DDC: variants seen among roughly 807,000 people sequenced by gnomAD.
DDC encodes dopa decarboxylase, also known as aromatic-L-amino-acid decarboxylase.
DDC carries 43 observed loss-of-function variants against 60.0 expected under a neutral mutation model. The ratio of observed to expected loss-of-function variants is 0.72; its 90% CI spans 0.56 to 0.92. The LOEUF is 0.92. DDC is among the 40% of genes least tolerant of loss of function. DDC has a pLI of 0.00. For synonymous variants in DDC, 232 were observed against 234.6 expected, an observed-to-expected ratio of 0.99 and a Z score of 0.10; for missense variants, 573 against 620.2, an observed-to-expected ratio of 0.92 and a Z score of 0.81.
Position 50,499,525 on chromosome 7 carries a change from T to C in DDC, c.782-283A>G, listed in dbSNP as rs11575388. ...TAAGTGTAACTCCAAGGGACCATCGTGTGACAGCCTCATGTTACTCACCTG... is the reference window on the plus strand; with the variant it reads ...TAAGTGTAACTCCAAGGGACCATCGCGTGACAGCCTCATGTTACTCACCTG... On this transcript the variant is annotated intron_variant, in intron 7 of 14. Coordinates refer to ENST00000444124, the MANE Select transcript of DDC (RefSeq NM_001082971.2). Among the ~76,000 whole-genome samples, 3,552 of 152,238 alleles carry C rather than the reference T, an allele frequency of 0.023. 61 individuals are homozygous for C. Among genetic ancestry groups the C allele is most frequent in the African/African-American group, 0.047 (1,936 of 41,542 alleles).
At chr7:50,489,226 C>T (rs573745453) in intron 9 of DDC, among the ~76,000 whole-genome samples, 137 of 152,208 alleles carry the variant, frequency 9.0e-4, no homozygotes, top group Admixed American at 2.4e-3. Context: ...AGGCTGGTCT[C>T]GAAGTCCTGA....
At chr7:50,548,862 C>T (rs1374206950) in intron 1 of DDC, among the ~76,000 whole-genome samples, 1 of 152,216 alleles carries the variant, frequency 6.6e-6, no homozygotes, top group Non-Finnish European at 1.5e-5. Flanking sequence ...GGCTTCAAAA[C>T]TTCAAAGTAC....
At chr7:50,490,735 A>G (rs1000755632) in intron 9 of DDC, among the ~76,000 whole-genome samples, 1 of 152,226 alleles carries the variant, frequency 6.6e-6, no homozygotes, top group African/African-American at 2.4e-5. Flanking sequence ...TAGATTCTTT[A>G]TGAAAAGGTT....
intron 9 of DDC, among the ~76,000 whole-genome samples, chr7:50,485,434 T>C (rs1252801708): frequency 2.0e-5 from 3 of 152,250 alleles, no homozygotes; most frequent in Admixed American, 1.3e-4. Flanking sequence ...TGTTAAATTA[T>C]GGACTAACCA....
At chr7:50,521,496 G>C (rs1245187962) in intron 6 of DDC, among the ~76,000 whole-genome samples, 2 of 152,114 alleles carry the variant, frequency 1.3e-5, no homozygotes, top group Non-Finnish European at 2.9e-5. Flanking sequence ...CTCATAAATA[G>C]AGATGCAAAA....
chr7:50,522,257 G>A (rs1336352977), intron 6 of DDC, among the ~76,000 whole-genome samples: 5 of 150,318 alleles, frequency 3.3e-5, no homozygotes, highest in Non-Finnish European at 4.4e-5. Flanking sequence ...CTCTAATGAA[G>A]AAAATTTTTT....
intron 1 of DDC, among the ~76,000 whole-genome samples, chr7:50,555,533 CCA>C (rs898123309): frequency 6.6e-6 from 1 of 152,044 alleles, no homozygotes; most frequent in African/African-American, 2.4e-5. Flanking sequence ...AGCCAGGGCA[CCA>C]CACACACACA....
intron 9 of DDC, among the ~76,000 whole-genome samples, chr7:50,484,381 T>G (rs1037694860): frequency 6.6e-6 from 1 of 152,228 alleles, no homozygotes; most frequent in African/African-American, 2.4e-5. Flanking sequence ...TATGATTTTC[T>G]GGCTTTCCTC....
At chr7:50,514,419 C>G (rs1206585829) in intron 6 of DDC, among the ~76,000 whole-genome samples, 2 of 152,126 alleles carry the variant, frequency 1.3e-5, no homozygotes, top group African/African-American at 4.8e-5. Flanking sequence ...CAACACATGG[C>G]TTTTCAACAC....
chr7:50,529,405 A>G (rs2044134271), intron 4 of DDC, 63 bp from the exon 5 acceptor site: 1 of 1,572,380 alleles, frequency 6.4e-7, no homozygotes, highest in South Asian at 1.1e-5. Flanking sequence ...TACCTACACT[A>G]TTGGAAGACA....
intron 11 of DDC, among the ~76,000 whole-genome samples, chr7:50,475,461 C>T (rs2042620950): frequency 6.6e-6 from 1 of 152,026 alleles, no homozygotes; most frequent in African/African-American, 2.4e-5. Context: ...TGTCCTAGGA[C>T]CAGCCTTGAT....
chr7:50,519,509 G>A (rs915709650), intron 6 of DDC, among the ~76,000 whole-genome samples: 7 of 152,052 alleles, frequency 4.6e-5, no homozygotes, highest in Admixed American at 1.3e-4. Context: ...ATCAATCAAC[G>A]AATAAATAAA....
intron 6 of DDC, among the ~76,000 whole-genome samples, chr7:50,527,519 C>A (rs569186662): frequency 6.6e-6 from 1 of 152,168 alleles, no homozygotes; most frequent in Non-Finnish European, 1.5e-5. Flanking sequence ...TCTTCCAAAT[C>A]TTTATTTGTT....
At position 50,476,642 on chromosome 7, in the gene DDC, C is replaced by G. The variant is rs759291453; in HGVS notation, c.1023G>C (p.Gly341=). 1 of 1,611,980 alleles carries G rather than the reference C, an allele frequency of 6.2e-7. No homozygotes were observed. The highest frequency in any genetic ancestry group is 8.5e-7 in the Non-Finnish European group (1 of 1,178,634). The change falls in exon 11 of 15, where the codon GGG becomes GGC. Residue 341 remains glycine (G), a splice_region_variant and synonymous_variant. Transcript: ENST00000444124. ...CACTTACCCGGTAGTCAGTGATAAG[C>G]CCTGGAGAAAAGAGAAAGAAAAAGA... ...TYLKHSHQDS[G]LITDYRHWQI... is the part of the protein sequence containing the mutation.
chr7:50,504,092 C>A (rs764041481), intron 6 of DDC, 33 bp from the exon 7 acceptor site: 1 of 1,521,650 alleles, frequency 6.6e-7, no homozygotes, highest in Non-Finnish European at 9.1e-7. Flanking sequence ...CCTTTTATTC[C>A]CCAGGTGCCA....
At chr7:50,512,550 C>T (rs1443692057) in intron 6 of DDC, among the ~76,000 whole-genome samples, 1 of 152,208 alleles carries the variant, frequency 6.6e-6, no homozygotes, top group African/African-American at 2.4e-5. Flanking sequence ...GCCCATGGCA[C>T]ATAGCTGAGC....
chr7:50,471,540 T>G (rs979148217), intron 11 of DDC, among the ~76,000 whole-genome samples: 1 of 152,110 alleles, frequency 6.6e-6, no homozygotes, highest in African/African-American at 2.4e-5. Flanking sequence ...AGGCATTCAG[T>G]GTGGTTCCCC....
intron 11 of DDC, among the ~76,000 whole-genome samples, chr7:50,471,979 C>T (rs1454276699): frequency 6.6e-6 from 1 of 152,142 alleles, no homozygotes; most frequent in African/African-American, 2.4e-5. Context: ...GGAAGAATAC[C>T]AAGGTAAACT....
At chr7:50,503,923 G>T in intron 7 of DDC, 70 bp downstream of exon 7, 1 of 1,082,440 alleles carries the variant, frequency 9.2e-7, no homozygotes, top group Non-Finnish European at 1.4e-6. Flanking sequence ...AGAGATCAAC[G>T]AGGAAGGTTT....
Sources: allele counts gnomAD v4.1 joint callset (sites outside exome capture counted in the v4.1 genomes callset), GRCh38; gene constraint gnomAD v4.1.1; transcripts MANE v1.5; gene names NCBI Gene and HGNC (gene_info 2026-07-23, HGNC 2026-07-21).